The following PRSS21 variants were observed in gnomAD, a reference collection of about 807,000 sequenced individuals.
The protein encoded by PRSS21 is serine protease 21.
In PRSS21, 40 loss-of-function variants were observed where a neutral mutation model predicts 31.1. That is an observed-to-expected ratio of 1.29 (90% CI 1.00 to 1.68). The LOEUF is 1.68. Among genes scored for constraint, PRSS21 ranks in the 40% most tolerant of loss-of-function variants. The pLI is 0.00. For synonymous variants in PRSS21, 186 were observed against 167.7 expected, an observed-to-expected ratio of 1.11 and a Z score of -0.84; for missense variants, 467 against 412.6, an observed-to-expected ratio of 1.13 and a Z score of -1.14.
In PRSS21 at chr16:2,817,768, C is replaced by T. The variant is rs768100577; in HGVS notation, c.92-33C>T. ...AGAGGTCGGGCTTGGGGGGCTGCCT[C>T]CCGCGGCTCAGCAGTTCCTCTGACC... On this transcript the variant is annotated intron_variant, in intron 2 of 5. Transcript: ENST00000005995. The surrounding 1 kb of genome is among the most constrained non-coding windows in gnomAD (Gnocchi z 4.2). 21 of 1,540,678 alleles carry T rather than the reference C, an allele frequency of 1.4e-5. No individual in the cohort carries two copies. Among genetic ancestry groups the T allele is most frequent in the East Asian group, 2.5e-5 (1 of 40,732 alleles).
chr16:2,821,336 C>T lies in PRSS21; in HGVS notation c.706-30C>T, dbSNP rs144171827. ...CTCCCCTGCCCCACTCACTCTGCCC[C>T]AGGCTGACCTCAGCCCCGCTGCTCC... On this transcript the variant is annotated intron_variant, in intron 5 of 5. Coordinates refer to ENST00000005995, the MANE Select transcript of PRSS21 (RefSeq NM_006799.4). The T allele has an allele frequency of 1.8e-4, 297 of 1,612,518 alleles. 2 individuals are homozygous for T. The East Asian group carries it at 5.9e-3, about 32-fold the overall frequency.
At position 2,817,606 on chromosome 16, in the gene PRSS21, G is replaced by C; in HGVS notation, c.91+150G>C. The C allele has an allele frequency of 7.6e-7, 1 of 1,321,322 alleles. No homozygotes were observed. Among genetic ancestry groups the C allele is most frequent in the Non-Finnish European group, 1.0e-6 (1 of 983,394 alleles). 81.8% of individuals were successfully genotyped at this position (1,321,322 alleles called of 1,614,324 possible). A position where few individuals can be genotyped will look rare whatever the true frequency, so the allele number is the denominator to read the frequency against. ...TTGGCGTGGAAAGTAACTAACGGAC[G>C]CTGGAGGGGGATGGGCGGGCCCTGC... On this transcript the variant is annotated intron_variant, in intron 2 of 5. Transcript: ENST00000005995. This position sits in a 1 kb window ranked among gnomAD's most constrained non-coding sequence, Gnocchi z 4.2.
intron 4 of PRSS21, among the ~76,000 whole-genome samples, chr16:2,819,307 A>C (rs2069133232): frequency 6.6e-6 from 1 of 152,122 alleles, no homozygotes; most frequent in Non-Finnish European, 1.5e-5. Context: ...TGCCCCAGGC[A>C]TCAGGCTCCT....
intron 5 of PRSS21, 94 bp from the exon 6 acceptor site, chr16:2,821,272 C>T: frequency 1.9e-6 from 3 of 1,545,028 alleles, no homozygotes; most frequent in Non-Finnish European, 1.8e-6. Context: ...GATGTGCACC[C>T]AGTCTACCCA....
In PRSS21 at chr16:2,817,320, C is replaced by A. The variant is rs1479934897; in HGVS notation, c.52C>A (p.Leu18Ile). 8 of 1,547,540 alleles carry A rather than the reference C, an allele frequency of 5.2e-6. No homozygotes were observed. The highest frequency in any genetic ancestry group is 7.0e-6 in the Non-Finnish European group (8 of 1,150,396). ...LLALLLARAG[L>I]RKPESQEAAP... Reference sequence around the variant, plus strand: ...GGCGCTGCTGCTGGCTCGGGCTGGACTCAGGAAGCCGGGTGAGCTCGGGGC... The same window carrying A: ...GGCGCTGCTGCTGGCTCGGGCTGGAATCAGGAAGCCGGGTGAGCTCGGGGC... Residue 18 changes from leucine to isoleucine, a missense_variant, in exon 1 of 6, where the codon CTC (leucine) becomes ATC (isoleucine). Physicochemically the swap from Leu to Ile is conservative, Grantham distance 5. Coordinates refer to ENST00000005995, the MANE Select transcript of PRSS21 (RefSeq NM_006799.4). The surrounding 1 kb of genome is among the most constrained non-coding windows in gnomAD (Gnocchi z 4.2).
In PRSS21 at chr16:2,817,683, G is replaced by T. The variant is rs878870149; in HGVS notation, c.92-118G>T. 3 of 1,378,992 alleles carry T rather than the reference G, an allele frequency of 2.2e-6. No homozygotes were observed. The highest frequency in any genetic ancestry group is 2.0e-6 in the Non-Finnish European group (2 of 1,022,410). 85.4% of individuals were successfully genotyped at this position (1,378,992 alleles called of 1,614,324 possible). Reference sequence around the variant, plus strand: ...CACCTACTTCCTGCTGCACACACGCGAGGGGACCCTGGGTGGGCAAAAACG... The same window carrying T: ...CACCTACTTCCTGCTGCACACACGCTAGGGGACCCTGGGTGGGCAAAAACG... On this transcript the variant is annotated intron_variant, in intron 2 of 5. Coordinates refer to ENST00000005995, the MANE Select transcript of PRSS21 (RefSeq NM_006799.4). The surrounding 1 kb of genome is among the most constrained non-coding windows in gnomAD (Gnocchi z 4.2).
In PRSS21 at chr16:2,817,762, C is replaced by T; in HGVS notation, c.92-39C>T. 6.5e-7 allele frequency: 1 copy of T among 1,538,644 alleles called. No individual in the cohort carries two copies. Among genetic ancestry groups the T allele is most frequent in the Non-Finnish European group, 8.8e-7 (1 of 1,140,684 alleles). On this transcript the variant is annotated intron_variant, in intron 2 of 5. Coordinates refer to ENST00000005995, the MANE Select transcript of PRSS21 (RefSeq NM_006799.4). The surrounding 1 kb of genome is among the most constrained non-coding windows in gnomAD (Gnocchi z 4.2). ...AAAGGGAGAGGTCGGGCTTGGGGGG[C>T]TGCCTCCCGCGGCTCAGCAGTTCCT... is the stretch of plus-strand genomic sequence containing the variant.
intron 4 of PRSS21, among the ~76,000 whole-genome samples, chr16:2,820,007 G>A (rs114509883): frequency 0.011 from 1,661 of 152,312 alleles, 34 homozygotes; most frequent in African/African-American, 0.038. Context: ...CGGCCAGGCT[G>A]CCTCTGCCAC....
intron 3 of PRSS21, among the ~76,000 whole-genome samples, chr16:2,818,453 T>C (rs996816486): frequency 6.6e-6 from 1 of 152,172 alleles, no homozygotes; most frequent in Non-Finnish European, 1.5e-5. Flanking sequence ...GCAAGGCTCC[T>C]TGGGACAGCT....
In PRSS21 at chr16:2,817,948, C is replaced by T. The variant is rs562253382; in HGVS notation, c.239C>T (p.Ala80Val). Residue 80 changes from alanine to valine, a missense_variant, in exon 3 of 6, where the codon GCG (alanine) becomes GTG (valine). By Grantham distance (64) the Ala-to-Val change is moderately conservative. Coordinates refer to ENST00000005995, the MANE Select transcript of PRSS21 (RefSeq NM_006799.4). This position sits in a 1 kb window ranked among gnomAD's most constrained non-coding sequence, Gnocchi z 4.2. The stretch of plus-strand genomic sequence containing the variant: ...CTCAGCCACCGCTGGGCACTCACGG[C>T]GGCGCACTGCTTTGAAACGTGAGTG... ...SLLSHRWALT[A>V]AHCFETYSDL... 6.5e-7 allele frequency: 1 copy of T among 1,548,884 alleles called. No homozygotes were observed. Among genetic ancestry groups the T allele is most frequent in the Non-Finnish European group, 8.7e-7 (1 of 1,146,742 alleles).
In PRSS21 at chr16:2,821,625, G is replaced by C; in HGVS notation, c.*20G>C. On this transcript the variant is annotated 3_prime_UTR_variant, in exon 6 of 6. Transcript: ENST00000005995. Reference sequence around the variant, plus strand: ...GTCTGAGCCTACCTGAGCCCATGCAGCCTGGGGCCACTGCCAAGTCAGGCC... The same window carrying C: ...GTCTGAGCCTACCTGAGCCCATGCACCCTGGGGCCACTGCCAAGTCAGGCC... 6.2e-7 allele frequency: 1 copy of C among 1,601,350 alleles called. No homozygotes were observed. Among genetic ancestry groups the C allele is most frequent in the Non-Finnish European group, 8.5e-7 (1 of 1,173,026 alleles).
At chr16:2,819,732 C>T (rs1188506879) in intron 4 of PRSS21, among the ~76,000 whole-genome samples, 3 of 152,226 alleles carry the variant, frequency 2.0e-5, no homozygotes, top group Non-Finnish European at 4.4e-5. Flanking sequence ...CCTGCTGGAG[C>T]TCACCTAGGA....
At chr16:2,820,457 C>T (rs922749722) in intron 4 of PRSS21, among the ~76,000 whole-genome samples, 9 of 152,136 alleles carry the variant, frequency 5.9e-5, no homozygotes, top group African/African-American at 2.2e-4. Context: ...CCCCCTGACT[C>T]TCCTTATCTG....
chr16:2,821,322 C>A, intron 5 of PRSS21, 44 bp from the exon 6 acceptor site: 2 of 1,608,326 alleles, frequency 1.2e-6, no homozygotes, highest in East Asian at 2.2e-5. Flanking sequence ...TCCCCTGCCC[C>A]ACTCACTCTG....
chr16:2,820,007 G>T (rs114509883), intron 4 of PRSS21, among the ~76,000 whole-genome samples: 1 of 152,314 alleles, frequency 6.6e-6, no homozygotes, highest in South Asian at 2.1e-4. Context: ...CGGCCAGGCT[G>T]CCTCTGCCAC....
At position 2,818,984 on chromosome 16, in the gene PRSS21, A is replaced by C; in HGVS notation, c.550+15A>C. Reference sequence around the variant, plus strand: ...AGAGGATGAGGGTGAGGCTGGGGACAGGCGGGTCAGGGAGGAACTGTCTTT... The same window carrying C: ...AGAGGATGAGGGTGAGGCTGGGGACCGGCGGGTCAGGGAGGAACTGTCTTT... On this transcript the variant is annotated intron_variant, in intron 4 of 5. Coordinates refer to ENST00000005995, the MANE Select transcript of PRSS21 (RefSeq NM_006799.4). 6.2e-7 allele frequency: 1 copy of C among 1,612,144 alleles called. No homozygotes were observed. The highest frequency in any genetic ancestry group is 8.5e-7 in the Non-Finnish European group (1 of 1,178,566).
intron 3 of PRSS21, among the ~76,000 whole-genome samples, chr16:2,818,191 G>T (rs902768837): frequency 4.6e-5 from 7 of 152,174 alleles, no homozygotes; most frequent in Non-Finnish European, 8.8e-5. Context: ...ATTCCAGAAT[G>T]TTCTTCCAGA....
At chr16:2,820,554 C>T (rs1422328641) in intron 4 of PRSS21, among the ~76,000 whole-genome samples, 3 of 152,108 alleles carry the variant, frequency 2.0e-5, no homozygotes, top group Non-Finnish European at 2.9e-5. Flanking sequence ...GCCTGGAAAG[C>T]GCCCAGCTGC....
Position 2,817,910 on chromosome 16 carries a change from C to T in PRSS21, c.201C>T (p.Cys67=), listed in dbSNP as rs1374897515. 1.3e-6 allele frequency: 2 copies of T among 1,549,288 alleles called. No homozygotes were observed. Among genetic ancestry groups the T allele is most frequent in the African/African-American group, 1.4e-5 (1 of 73,016 alleles). ...TGCGCCTGTGGGATTCCCACGTATG[C>T]GGAGTGAGCCTGCTCAGCCACCGCT... The part of the protein sequence containing the change: ...GSLRLWDSHV[C]GVSLLSHRWA... The change falls in exon 3 of 6, where the codon TGC becomes TGT. Residue 67 remains cysteine (C), a synonymous_variant. Coordinates refer to ENST00000005995, the MANE Select transcript of PRSS21 (RefSeq NM_006799.4). The surrounding 1 kb of genome is among the most constrained non-coding windows in gnomAD (Gnocchi z 4.2).
Sources: allele counts gnomAD v4.1 joint callset (sites outside exome capture counted in the v4.1 genomes callset), GRCh38; gene constraint gnomAD v4.1.1; non-coding constraint Gnocchi (gnomAD v3.1); transcripts MANE v1.5; gene names NCBI Gene and HGNC (gene_info 2026-07-23, HGNC 2026-07-21).